The following ZNF674 variants were observed in gnomAD, a reference collection of about 807,000 sequenced individuals.
ZNF674 encodes the protein zinc finger family member 674.
Under a neutral mutation model 7.0 loss-of-function variants are expected in ZNF674, and 2 were observed. That is an observed-to-expected ratio of 0.29 (90% confidence interval 0.12 to 0.90). The LOEUF (loss-of-function observed/expected upper bound fraction) is 0.90, where lower values mean the gene tolerates loss of function less well. Among genes scored for constraint, ZNF674 ranks in the 40% least tolerant of loss-of-function variants. The pLI is 0.57. For missense variants in ZNF674, 297 were observed against 415.5 expected (o/e 0.71, Z 2.48); for synonymous variants, 103 against 145.2 (o/e 0.71, Z 2.09).
intron 5 of ZNF674, among the ~76,000 whole-genome samples, chrX:46,507,534 G>T (rs899903168): frequency 9.0e-6 from 1 of 111,283 alleles, no homozygotes; most frequent in African/African-American, 3.3e-5. Context: ...AAATACGGAG[G>T]GCCAATTATA....
At chrX:46,510,139 T>G (rs1602054627) in intron 5 of ZNF674, among the ~76,000 whole-genome samples, 1 of 49,197 alleles carries the variant, frequency 2.0e-5, no homozygotes, top group Non-Finnish European at 3.4e-5. Context: ...GGGACTGTTG[T>G]GGGGTGGGGG....
intron 5 of ZNF674, among the ~76,000 whole-genome samples, chrX:46,523,996 C>G (rs1313908445): frequency 4.6e-5 from 5 of 108,018 alleles, no homozygotes; most frequent in Non-Finnish European, 9.6e-5. Flanking sequence ...GAGCCGAGAT[C>G]GTGCCATTGC....
At chrX:46,514,890 A>G (rs898469802) in intron 5 of ZNF674, among the ~76,000 whole-genome samples, 1 of 111,990 alleles carries the variant, frequency 8.9e-6, no homozygotes, top group African/African-American at 3.2e-5. Context: ...TGAAGCAGGT[A>G]TTTGCTGGGA....
chrX:46,519,509 G>A (rs1346033649), intron 5 of ZNF674, among the ~76,000 whole-genome samples: 1 of 108,170 alleles, frequency 9.2e-6, no homozygotes, highest in Non-Finnish European at 1.9e-5. Context: ...TTGGGAGGCT[G>A]GGGCAGGAGA....
chrX:46,517,880 G>A (rs1264509015), intron 5 of ZNF674: 4 of 110,497 alleles, frequency 3.6e-5, no homozygotes, highest in Non-Finnish European at 5.7e-5. Flanking sequence ...ATAACACAAA[G>A]GATAAATGCT....
intron 5 of ZNF674, among the ~76,000 whole-genome samples, chrX:46,527,277 G>C (rs1942026274): frequency 1.8e-5 from 2 of 108,154 alleles, no homozygotes. Flanking sequence ...AAAAAAAAAA[G>C]ATATATAAAG....
At chrX:46,544,980 AG>A (rs1942353112) in intron 1 of ZNF674, among the ~76,000 whole-genome samples, 1 of 111,838 alleles carries the variant, frequency 8.9e-6, no homozygotes, top group Admixed American at 9.5e-5. Context: ...TGATAAACAA[AG>A]TACAGGAAAA....
At chrX:46,511,069 A>G (rs1941644885) in intron 5 of ZNF674, among the ~76,000 whole-genome samples, 1 of 112,037 alleles carries the variant, frequency 8.9e-6, no homozygotes, top group Non-Finnish European at 1.9e-5. Flanking sequence ...CAAGCATTCA[A>G]ATGCTGCTTA....
chrX:46,534,902 AACTAATTTTT>A (rs1942175098), intron 3 of ZNF674, among the ~76,000 whole-genome samples: 1 of 108,540 alleles, frequency 9.2e-6, no homozygotes, highest in Non-Finnish European at 1.9e-5. Flanking sequence ...CACCATACCC[AACTAATTTTT>A]GTATTTTTAG....
At chrX:46,505,663 T>G (rs1197851983) in intron 5 of ZNF674, among the ~76,000 whole-genome samples, 3 of 110,238 alleles carry the variant, frequency 2.7e-5, no homozygotes, top group African/African-American at 9.9e-5. Context: ...CCGAGCTACT[T>G]AGGAGGCTGA....
chrX:46,525,865 T>C (rs1363696902), intron 5 of ZNF674, among the ~76,000 whole-genome samples: 1 of 111,366 alleles, frequency 9.0e-6, no homozygotes, highest in Non-Finnish European at 1.9e-5. Flanking sequence ...AATGGGAAAT[T>C]GAAATTAAAC....
chrX:46,513,695 C>T (rs1351914519), intron 5 of ZNF674, among the ~76,000 whole-genome samples: 2 of 111,497 alleles, frequency 1.8e-5, no homozygotes, highest in South Asian at 7.5e-4. Flanking sequence ...TTTCCCAGTC[C>T]GCAGGCCTTT....
At chrX:46,502,237 C>T (rs1230710452) in intron 5 of ZNF674, among the ~76,000 whole-genome samples, 5 of 98,011 alleles carry the variant, frequency 5.1e-5, no homozygotes, top group Non-Finnish European at 7.9e-5. Context: ...AGCTGGGAGG[C>T]GGAGGTTGCA....
At chrX:46,533,827 AAAAT>A (rs1434620483) in intron 3 of ZNF674, among the ~76,000 whole-genome samples, 1 of 70,804 alleles carries the variant, frequency 1.4e-5, no homozygotes, top group Non-Finnish European at 2.4e-5. Flanking sequence ...AAAAAAAAAA[AAAAT>A]ATATATATAT....
chrX:46,525,337 T>A, intron 5 of ZNF674: 1 of 267,731 alleles, frequency 3.7e-6, no homozygotes, highest in Non-Finnish European at 7.1e-6. Context: ...GCATGGTGGC[T>A]CATACCTGTA....
At chrX:46,520,268 G>A (rs1331090439) in intron 5 of ZNF674, among the ~76,000 whole-genome samples, 3 of 110,633 alleles carry the variant, frequency 2.7e-5, no homozygotes, top group Admixed American at 9.7e-5. Context: ...AGGTGGTGGC[G>A]GGTGCCTGTA....
At chrX:46,532,520 T>C (rs2055193488) in intron 3 of ZNF674, among the ~76,000 whole-genome samples, 2 of 111,727 alleles carry the variant, frequency 1.8e-5, no homozygotes, top group Admixed American at 9.6e-5. Flanking sequence ...TCTCGTTAAG[T>C]CGCAAAAAAA....
chrX:46,523,276 C>T (rs1210735893), intron 5 of ZNF674: 2 of 114,885 alleles, frequency 1.7e-5, no homozygotes, highest in Admixed American at 9.5e-5. Context: ...CATTACAGAT[C>T]CTACAAATAT....
chrX:46,505,940 G>A (rs1398837479), intron 5 of ZNF674, among the ~76,000 whole-genome samples: 1 of 112,194 alleles, frequency 8.9e-6, no homozygotes, highest in African/African-American at 3.2e-5. Flanking sequence ...GAACTGTTTT[G>A]GAGCTCTACC....
Sources: allele counts gnomAD v4.1 joint callset (sites outside exome capture counted in the v4.1 genomes callset), GRCh38; gene constraint gnomAD v4.1.1; transcripts MANE v1.5; gene names NCBI Gene and HGNC (gene_info 2026-07-23, HGNC 2026-07-21).